B3GALT1: variants seen among roughly 807,000 people sequenced by gnomAD.
B3GALT1 encodes the protein beta-1,3-galactosyltransferase 1.
A neutral mutation model predicts 23.2 loss-of-function variants in B3GALT1; 10 were observed. The ratio of observed to expected loss-of-function variants is 0.43; its 90% CI spans 0.27 to 0.73. The LOEUF (loss-of-function observed/expected upper bound fraction) is 0.73. B3GALT1 is among the 30% of genes least tolerant of loss of function. The probability of loss-of-function intolerance (pLI) is 0.21; values close to 1 mark genes in which losing one functional copy is unlikely to be tolerated. For missense variants in B3GALT1, 299 were observed against 405.4 expected (o/e 0.74, Z 2.25); for synonymous variants, 156 against 141.5 (o/e 1.10, Z -0.73).
At chr2:167,614,912 T>C (rs912458314) in intron 2 of B3GALT1, among the ~76,000 whole-genome samples, 3 of 151,962 alleles carry the variant, frequency 2.0e-5, no homozygotes, top group African/African-American at 7.2e-5. Flanking sequence ...TAGATATATT[T>C]ACTCATAGGT....
At chr2:167,690,732 A>G (rs969513038) in intron 3 of B3GALT1, among the ~76,000 whole-genome samples, 2 of 152,192 alleles carry the variant, frequency 1.3e-5, no homozygotes, top group African/African-American at 2.4e-5. Context: ...TTACCAATCT[A>G]TCGTCCCTAG....
intron 3 of B3GALT1, among the ~76,000 whole-genome samples, chr2:167,689,142 A>C (rs1249190886): frequency 1.2e-3 from 3 of 2,430 alleles, no homozygotes; most frequent in Non-Finnish European, 5.9e-3. Flanking sequence ...AAAAAGACCA[A>C]AAAAAAAAAA....
intron 3 of B3GALT1, among the ~76,000 whole-genome samples, chr2:167,722,576 G>A (rs1035159662): frequency 6.6e-6 from 1 of 152,136 alleles, no homozygotes; most frequent in African/African-American, 2.4e-5. Flanking sequence ...CATGACTCCT[G>A]CGTATCCTTA....
chr2:167,789,101 G>A (rs1688391869), intron 3 of B3GALT1, among the ~76,000 whole-genome samples: 1 of 152,084 alleles, frequency 6.6e-6, no homozygotes, highest in Non-Finnish European at 1.5e-5. Context: ...AAATTGGTGC[G>A]AGCCATTAAC....
intron 1 of B3GALT1, among the ~76,000 whole-genome samples, chr2:167,421,014 A>G (rs1368104649): frequency 6.6e-6 from 1 of 152,248 alleles, no homozygotes; most frequent in African/African-American, 2.4e-5. Flanking sequence ...AAATGATGAA[A>G]TAACAGTCAT....
In B3GALT1 at chr2:167,831,940, T is replaced by C. The variant is rs1689363250; in HGVS notation, c.-230+13147T>C. Among the ~76,000 whole-genome samples the C allele has an allele frequency of 3.3e-5, 5 of 152,176 alleles. No homozygotes were observed. In the South Asian group the frequency reaches 1.0e-3, roughly 32 times the overall value. On this transcript the variant is annotated intron_variant, in intron 4 of 4. Coordinates refer to ENST00000392690, the MANE Select transcript of B3GALT1 (RefSeq NM_020981.4). Reference sequence around the variant, plus strand: ...TGAGACCTAATAGTTCGCCAAATGGTTACAAAACATGAATCTGTGGCACTC... The same window carrying C: ...TGAGACCTAATAGTTCGCCAAATGGCTACAAAACATGAATCTGTGGCACTC...
chr2:167,701,555 T>G (rs562225281), intron 3 of B3GALT1, among the ~76,000 whole-genome samples: 42 of 152,288 alleles, frequency 2.8e-4, no homozygotes, highest in African/African-American at 9.9e-4. Context: ...TAAAAATAAG[T>G]TATGTCTTGC....
At chr2:167,740,312 T>G (rs556224149) in intron 3 of B3GALT1, among the ~76,000 whole-genome samples, 2 of 152,240 alleles carry the variant, frequency 1.3e-5, no homozygotes, top group East Asian at 3.9e-4. Flanking sequence ...GCATATATTT[T>G]AATTTGTAAA....
intron 2 of B3GALT1, among the ~76,000 whole-genome samples, chr2:167,573,112 CTGAGA>C (rs919558681): frequency 5.3e-5 from 8 of 151,538 alleles, no homozygotes. Context: ...TAAAGATGTG[CTGAGA>C]TAAGACAGGT....
At chr2:167,767,042 G>A (rs978495401) in intron 3 of B3GALT1, among the ~76,000 whole-genome samples, 5 of 152,176 alleles carry the variant, frequency 3.3e-5, no homozygotes, top group African/African-American at 7.2e-5. Flanking sequence ...GTTCAAAGCA[G>A]TGCTTCAGGA....
At chr2:167,500,325 CCAGA>C (rs1394178035) in intron 2 of B3GALT1, among the ~76,000 whole-genome samples, 6 of 152,056 alleles carry the variant, frequency 3.9e-5, no homozygotes, top group African/African-American at 1.2e-4. Context: ...CAAATAATGA[CCAGA>C]CAATTACAGG....
chr2:167,522,016 A>G (rs895345053), intron 2 of B3GALT1, among the ~76,000 whole-genome samples: 2 of 147,128 alleles, frequency 1.4e-5, no homozygotes, highest in Admixed American at 6.8e-5. Context: ...ACACATATAT[A>G]TATAATTATA....
chr2:167,522,009 C>CATATATATATATATATATATACAA (rs1057054643), intron 2 of B3GALT1, among the ~76,000 whole-genome samples: 1 of 130,288 alleles, frequency 7.7e-6, no homozygotes, highest in Admixed American at 7.7e-5. Context: ...TATATATACA[C>CATATATATATATATATATATACAA]ATATATATAT....
chr2:167,774,497 G>GTTTTT (rs397986581), intron 3 of B3GALT1, among the ~76,000 whole-genome samples: 4 of 83,012 alleles, frequency 4.8e-5, no homozygotes, highest in Non-Finnish European at 6.7e-5. Context: ...TTTTTTTTTT[G>GTTTTT]TTTTTTTTTT....
At chr2:167,406,546 T>C (rs1698281026) in intron 1 of B3GALT1, among the ~76,000 whole-genome samples, 2 of 152,194 alleles carry the variant, frequency 1.3e-5, no homozygotes, top group Non-Finnish European at 2.9e-5. Context: ...TCACAGTTTA[T>C]GTACTTGAAA....
At chr2:167,571,765 G>C (rs545477268) in intron 2 of B3GALT1, among the ~76,000 whole-genome samples, 1 of 151,892 alleles carries the variant, frequency 6.6e-6, no homozygotes, top group Non-Finnish European at 1.5e-5. Flanking sequence ...AGCAGGTTTT[G>C]TTTGCAGTAT....
chr2:167,589,032 C>T (rs896041366), intron 2 of B3GALT1, among the ~76,000 whole-genome samples: 12 of 151,950 alleles, frequency 7.9e-5, no homozygotes, highest in African/African-American at 2.9e-4. Context: ...AGCCTCAACT[C>T]CTAGGCCCAA....
chr2:167,714,753 G>A (rs1687117783), intron 3 of B3GALT1: 7 of 1,613,778 alleles, frequency 4.3e-6, no homozygotes, highest in Non-Finnish European at 5.9e-6. Context: ...TCTTCTTCAA[G>A]ATCTTTGGCT....
rs80076781 is a variant in B3GALT1, at chr2:167,472,637, A to G, written c.-510-17540A>G. Among the ~76,000 whole-genome samples, 87 of 152,238 alleles carry G rather than the reference A, an allele frequency of 5.7e-4. 2 individuals carry two copies. The East Asian group carries it at 0.016, about 28-fold the overall frequency. ...CTACCAAATTGTCACTGTTGTCTGG[A>G]AAACATTCAGGTATCCTTTCTCTTC... On this transcript the variant is annotated intron_variant, in intron 1 of 4. Transcript: ENST00000392690.
Sources: allele counts gnomAD v4.1 joint callset (sites outside exome capture counted in the v4.1 genomes callset), GRCh38; gene constraint gnomAD v4.1.1; transcripts MANE v1.5; gene names NCBI Gene and HGNC (gene_info 2026-07-23, HGNC 2026-07-21).